Variants in CDON observed in about 807,000 individuals in gnomAD.
CDON encodes the protein cell adhesion associated, oncogene regulated, also known as cell adhesion molecule-related/down-regulated by oncogenes.
Under a neutral mutation model 120.9 loss-of-function variants are expected in CDON, and 73 were observed. The ratio of observed to expected loss-of-function variants is 0.60; its 90% CI spans 0.50 to 0.73. The LOEUF (loss-of-function observed/expected upper bound fraction) is 0.73. Among genes scored for constraint, CDON ranks in the 30% least tolerant of loss-of-function variants. The probability of loss-of-function intolerance (pLI) is 0.00; values close to 1 mark genes in which losing one functional copy is unlikely to be tolerated. For synonymous variants in CDON, 566 were observed against 573.5 expected (o/e 0.99, Z 0.19); for missense variants, 1,470 against 1,587.3 (o/e 0.93, Z 1.26).
chr11:125,964,712 G>C (rs546275405), intron 18 of CDON, among the ~76,000 whole-genome samples: 17 of 152,246 alleles, frequency 1.1e-4, no homozygotes, highest in African/African-American at 4.1e-4. Flanking sequence ...TACATGTGTG[G>C]CTGACAAGAA....
At position 126,010,323 on chromosome 11, in the gene CDON, A is replaced by T; in HGVS notation, c.1552+18T>A. 2.0e-6 allele frequency: 3 copies of T among 1,510,638 alleles called. No homozygotes were observed. Among genetic ancestry groups the T allele is most frequent in the Non-Finnish European group, 2.7e-6 (3 of 1,106,142 alleles). 93.6% of individuals were successfully genotyped at this position (1,510,638 alleles called of 1,614,324 possible). On this transcript the variant is annotated intron_variant, in intron 8 of 19. Coordinates refer to ENST00000531738, the MANE Select transcript of CDON (RefSeq NM_001378964.1). ...AAGGAAATTACTCAACTAAAAATAA[A>T]TAATAATGGCAACTCACCAACCATG...
At chr11:126,001,205 T>C (rs1946934013) in intron 11 of CDON, among the ~76,000 whole-genome samples, 1 of 151,436 alleles carries the variant, frequency 6.6e-6, no homozygotes, top group Non-Finnish European at 1.5e-5. Flanking sequence ...CTTTTTTTTT[T>C]TTTTTGAGGT....
chr11:126,028,102 G>A (rs141960316), intron 1 of CDON, among the ~76,000 whole-genome samples: 82 of 150,438 alleles, frequency 5.5e-4, no homozygotes, highest in South Asian at 4.4e-3. Flanking sequence ...TTTATATGTC[G>A]GTTTTACAAG....
chr11:125,998,591 T>G (rs1053071470), intron 11 of CDON, among the ~76,000 whole-genome samples: 1 of 152,148 alleles, frequency 6.6e-6, no homozygotes, highest in Non-Finnish European at 1.5e-5. Flanking sequence ...CTTTATAAAT[T>G]ACCCAGCCTC....
intron 1 of CDON, among the ~76,000 whole-genome samples, chr11:126,031,353 T>C (rs79574306): frequency 0.089 from 13,496 of 152,272 alleles, 646 homozygotes; most frequent in East Asian, 0.13. Context: ...GAAAGTTATT[T>C]CACTTTTTTT....
intron 1 of CDON, among the ~76,000 whole-genome samples, chr11:126,059,078 A>G (rs146632898): frequency 1.3e-5 from 2 of 152,380 alleles, no homozygotes; most frequent in African/African-American, 4.8e-5. Flanking sequence ...TATTAAAACA[A>G]GCATTTCATC....
chr11:126,030,936 T>C (rs1487685135), intron 1 of CDON, among the ~76,000 whole-genome samples: 1 of 152,210 alleles, frequency 6.6e-6, no homozygotes, highest in East Asian at 1.9e-4. Context: ...TAAGTATTCA[T>C]TCAATCAAAC....
intron 17 of CDON, among the ~76,000 whole-genome samples, chr11:125,978,931 G>C (rs1435001617): frequency 6.6e-6 from 1 of 152,102 alleles, no homozygotes; most frequent in Non-Finnish European, 1.5e-5. Flanking sequence ...TAGATCTTCA[G>C]CCAGCAATGA....
At chr11:126,011,432 G>A (rs1947299653) in intron 7 of CDON, among the ~76,000 whole-genome samples, 4 of 152,172 alleles carry the variant, frequency 2.6e-5, no homozygotes, top group Admixed American at 2.6e-4. Flanking sequence ...CCAAGCTACT[G>A]AGTGTAAAAT....
chr11:126,019,552 T>A, intron 4 of CDON, 67 bp downstream of exon 4: 1 of 1,561,552 alleles, frequency 6.4e-7, no homozygotes, highest in South Asian at 1.1e-5. Flanking sequence ...CACACAGAGC[T>A]TAGAAGTAGC....
rs1945620615 is a variant in CDON, at chr11:125,960,806, A to G, written c.*136T>C. 9 of 818,940 alleles carry G rather than the reference A, an allele frequency of 1.1e-5. No homozygotes were observed. Among genetic ancestry groups the G allele is most frequent in the Non-Finnish European group, 1.9e-5 (9 of 474,346 alleles). The allele number at this position is 818,940 out of a possible 1,614,324, so 50.7% of individuals were successfully genotyped here. On this transcript the variant is annotated 3_prime_UTR_variant, in exon 20 of 20. Transcript: ENST00000531738. ...GGCACACGTTTTAAGATACATTCATATGACATTACTACTACAAAAAAATAA... is the reference window on the plus strand; with the variant it reads ...GGCACACGTTTTAAGATACATTCATGTGACATTACTACTACAAAAAAATAA...
chr11:126,056,761 G>C (rs989881111), intron 1 of CDON, among the ~76,000 whole-genome samples: 1 of 152,196 alleles, frequency 6.6e-6, no homozygotes, highest in African/African-American at 2.4e-5. Context: ...ATTGTTAATA[G>C]GTTAGTGGCC....
At chr11:126,010,727 A>T in intron 7 of CDON, 33 bp from the exon 8 acceptor site, 1 of 1,571,586 alleles carries the variant, frequency 6.4e-7, no homozygotes, top group Non-Finnish European at 8.7e-7. Context: ...ATGAAAAATG[A>T]AGAACATTGT....
Position 126,010,640 on chromosome 11 carries a change from T to A in CDON, c.1253A>T (p.Asp418Val), listed in dbSNP as rs753627841. The change falls in exon 8 of 20, where the codon GAC becomes GTC. Residue 418 changes from aspartate (D) to valine (V), a missense_variant. Asp to Val is a radical substitution (Grantham distance 152). Transcript: ENST00000531738. ...GCAGGACAGAGTAACAAAGTCTCCG[T>A]CTGCAACCTTTGCACTTACTGGTGC... ...ITAPVSAKVA[D>V]GDFVTLSCNA... 43 of 1,614,098 alleles carry A rather than the reference T, an allele frequency of 2.7e-5. No homozygotes were observed. In the South Asian group the frequency reaches 4.6e-4, roughly 17 times the overall value.
rs537908772 is a variant in CDON, at chr11:125,995,934, T to G, written c.2363-882A>C. 5.3e-5 allele frequency among the ~76,000 whole-genome samples: 8 copies of G among 152,368 alleles called. No homozygotes were observed. The South Asian group carries it at 1.7e-3, about 32-fold the overall frequency. ...AATGAAAGTACAGAAAGTTTATTTATGCTTTTTGTCTTTTATGGTTTAATT... is the reference window on the plus strand; with the variant it reads ...AATGAAAGTACAGAAAGTTTATTTAGGCTTTTTGTCTTTTATGGTTTAATT... On this transcript the variant is annotated intron_variant, in intron 12 of 19. Coordinates refer to ENST00000531738, the MANE Select transcript of CDON (RefSeq NM_001378964.1).
chr11:125,985,197 CAA>C (rs1295365874), intron 15 of CDON, among the ~76,000 whole-genome samples: 2 of 152,086 alleles, frequency 1.3e-5, no homozygotes, highest in African/African-American at 4.8e-5. Context: ...TTTTTTGAGA[CAA>C]AGTCTCACCC....
chr11:126,001,895 A>G, intron 10 of CDON, 45 bp from the exon 11 acceptor site: 2 of 1,418,788 alleles, frequency 1.4e-6, no homozygotes, highest in Non-Finnish European at 2.0e-6. Context: ...GCATATATGT[A>G]TGTAAAGTGG....
intron 7 of CDON, 147 bp downstream of exon 7, chr11:126,015,094 C>A: frequency 1.3e-6 from 1 of 764,614 alleles, no homozygotes; most frequent in South Asian, 1.6e-5. Context: ...GCCTACCTGT[C>A]ACTAGCCAGG....
At chr11:125,962,037 G>A (rs1177753339) in intron 18 of CDON, 39 bp from the exon 19 acceptor site, 1 of 1,480,742 alleles carries the variant, frequency 6.8e-7, no homozygotes, top group East Asian at 2.3e-5. Context: ...ATTGTGTCTA[G>A]AGGAACCAAT....
Sources: gnomAD v4.1 joint callset for allele counts (sites outside exome capture counted in the v4.1 genomes callset) on GRCh38, gnomAD v4.1.1 for gene constraint, MANE v1.5 for transcripts, NCBI Gene and HGNC (gene_info 2026-07-23, HGNC 2026-07-21) for gene names.